ME3: variants seen among roughly 807,000 people sequenced by gnomAD.
The protein encoded by ME3 is NADP-dependent malic enzyme, mitochondrial.
Under a neutral mutation model 68.9 loss-of-function variants are expected in ME3, and 48 were observed. The ratio of observed to expected loss-of-function variants is 0.70; its 90% confidence interval spans 0.55 to 0.89. The LOEUF is 0.89. Among genes scored for constraint, ME3 ranks in the 40% least tolerant of loss-of-function variants. ME3 has a pLI of 0.00. For missense variants in ME3, 675 were observed against 797.4 expected (o/e 0.85, Z 1.85); for synonymous variants, 320 against 318.8 (o/e 1.00, Z -0.04).
chr11:86,613,669 C>G (rs766080033), intron 2 of ME3, among the ~76,000 whole-genome samples: 9 of 152,148 alleles, frequency 5.9e-5, no homozygotes, highest in Admixed American at 3.9e-4. Flanking sequence ...TTTCTTTACA[C>G]CAACAATAGA....
At chr11:86,477,251 G>A (rs969489735) in intron 7 of ME3, among the ~76,000 whole-genome samples, 2 of 152,152 alleles carry the variant, frequency 1.3e-5, no homozygotes, top group Non-Finnish European at 2.9e-5. Context: ...TCTAGAATTC[G>A]TGCTTTTAAC....
intron 2 of ME3, among the ~76,000 whole-genome samples, chr11:86,644,571 C>A (rs1383443008): frequency 1.3e-5 from 2 of 152,160 alleles, no homozygotes; most frequent in Non-Finnish European, 2.9e-5. Flanking sequence ...TTGTGGTCTC[C>A]AGACTCTACG....
exon 6 of ME3, chr11:86,498,026 T>A: frequency 6.2e-7 from 1 of 1,613,542 alleles, no homozygotes; most frequent in Non-Finnish European, 8.5e-7. Flanking sequence ...CCCCTCCGCA[T>A]GCCGTGTACA....
chr11:86,451,814 T>G (rs967706045), intron 8 of ME3, among the ~76,000 whole-genome samples: 2 of 152,228 alleles, frequency 1.3e-5, no homozygotes, highest in African/African-American at 4.8e-5. Flanking sequence ...CAGCAAGGCT[T>G]TTAATCAAGG....
intron 8 of ME3, among the ~76,000 whole-genome samples, chr11:86,461,627 C>G (rs910839698): frequency 2.6e-5 from 4 of 152,184 alleles, no homozygotes; most frequent in African/African-American, 9.7e-5. Flanking sequence ...TCCCTCATCA[C>G]TGGGTGAGGC....
chr11:86,523,514 T>C (rs921993953), intron 4 of ME3, among the ~76,000 whole-genome samples: 1 of 152,226 alleles, frequency 6.6e-6, no homozygotes, highest in African/African-American at 2.4e-5. Context: ...TGTACTCTTT[T>C]TTTTCTTCCT....
At chr11:86,544,233 C>CA (rs1186356642) in intron 4 of ME3, among the ~76,000 whole-genome samples, 2 of 152,034 alleles carry the variant, frequency 1.3e-5, no homozygotes, top group Admixed American at 1.3e-4. Context: ...CCTAACATCA[C>CA]AATTAAAAGA....
intron 8 of ME3, among the ~76,000 whole-genome samples, chr11:86,456,967 C>G (rs1022234786): frequency 1.3e-5 from 2 of 152,164 alleles, no homozygotes; most frequent in African/African-American, 4.8e-5. Context: ...CTAATCAGGA[C>G]AGAACTTCTG....
intron 2 of ME3, among the ~76,000 whole-genome samples, chr11:86,582,871 C>G (rs56306556): frequency 6.7e-6 from 1 of 149,492 alleles, no homozygotes; most frequent in East Asian, 2.0e-4. Flanking sequence ...TCCACCGAGT[C>G]TGAAACAAAA....
chr11:86,650,269 A>G (rs1945312933), intron 2 of ME3, among the ~76,000 whole-genome samples: 1 of 152,202 alleles, frequency 6.6e-6, no homozygotes, highest in South Asian at 2.1e-4. Context: ...AGAAAACTGA[A>G]ACTGGACCCC....
chr11:86,559,803 T>C, exon 3 of ME3: 1 of 1,614,010 alleles, frequency 6.2e-7, no homozygotes, highest in Non-Finnish European at 8.5e-7. Flanking sequence ...GCAGCCTTTC[T>C]TCAAGGGTAA....
chr11:86,541,957 G>A (rs1298446045), intron 4 of ME3, among the ~76,000 whole-genome samples: 1 of 152,200 alleles, frequency 6.6e-6, no homozygotes, highest in African/African-American at 2.4e-5. Context: ...AGAGAAAGGA[G>A]CAGGCAGCAA....
chr11:86,435,680 G>T, the ME3 span: 15 of 152,234 alleles, frequency 9.9e-5, no homozygotes, highest in African/African-American at 3.1e-4. Flanking sequence ...GATTACTGGG[G>T]TGTCTTCTCA....
At chr11:86,452,503 A>G (rs1949689880) in intron 8 of ME3, among the ~76,000 whole-genome samples, 1 of 152,234 alleles carries the variant, frequency 6.6e-6, no homozygotes, top group South Asian at 2.1e-4. Flanking sequence ...CAGATCCTTC[A>G]GAAATGAAGG....
downstream of ME3, among the ~76,000 whole-genome samples, chr11:86,437,933 A>G (rs1214909442): frequency 6.6e-6 from 1 of 152,130 alleles, no homozygotes; most frequent in Non-Finnish European, 1.5e-5. Context: ...CTGTGAATCA[A>G]GGCAGTATTA....
chr11:86,513,835 A>T (rs1487464958), intron 4 of ME3, among the ~76,000 whole-genome samples: 1 of 144,992 alleles, frequency 6.9e-6, no homozygotes, highest in Non-Finnish European at 1.6e-5. Flanking sequence ...CAATGACCTC[A>T]GCAATGTATT....
downstream of ME3, among the ~76,000 whole-genome samples, chr11:86,440,329 A>C (rs1202466394): frequency 6.6e-6 from 1 of 152,144 alleles, no homozygotes; most frequent in African/African-American, 2.4e-5. Flanking sequence ...GCTGAACATG[A>C]GAGAGATGAA....
At chr11:86,617,293 A>G (rs1263694212) in intron 2 of ME3, among the ~76,000 whole-genome samples, 1 of 151,770 alleles carries the variant, frequency 6.6e-6, no homozygotes, top group Non-Finnish European at 1.5e-5. Context: ...CAAGGTAAGC[A>G]CTCAACAAAT....
At chr11:86,574,661 T>C (rs1957994884) in intron 2 of ME3, among the ~76,000 whole-genome samples, 1 of 152,098 alleles carries the variant, frequency 6.6e-6, no homozygotes, top group South Asian at 2.1e-4. Flanking sequence ...TCCGGCAGAG[T>C]TCCTATGTGA....
Sources: allele counts gnomAD v4.1 joint callset (sites outside exome capture counted in the v4.1 genomes callset), GRCh38; gene constraint gnomAD v4.1.1; transcripts MANE v1.5; gene names NCBI Gene and HGNC (gene_info 2026-07-23, HGNC 2026-07-21).